RFX7: variants seen among roughly 807,000 people sequenced by gnomAD.
RFX7 encodes the protein regulatory factor X7.
Under a neutral mutation model 111.8 loss-of-function variants are expected in RFX7, and 26 were observed. The observed-to-expected ratio is 0.23, with a 90% CI of 0.17 to 0.32. RFX7 has a LOEUF of 0.32. Ranked by LOEUF, RFX7 falls within the 10% of genes least tolerant of loss-of-function variation. RFX7 has a pLI of 1.00. For missense variants in RFX7, 1,573 were observed against 1,772.9 expected (o/e 0.89, Z 2.02); for synonymous variants, 624 against 624.4 (o/e 1.00, Z 0.01).
intron 5 of RFX7, among the ~76,000 whole-genome samples, chr15:56,109,245 G>A (rs2041875197): frequency 1.3e-5 from 2 of 152,374 alleles, no homozygotes; most frequent in South Asian, 2.1e-4. Flanking sequence ...ACGGGGTTTC[G>A]CTGTGTTGGC....
intron 2 of RFX7, among the ~76,000 whole-genome samples, chr15:56,197,973 T>C (rs2043160861): frequency 6.6e-6 from 1 of 152,150 alleles, no homozygotes; most frequent in South Asian, 2.1e-4. Flanking sequence ...ATAAATATCA[T>C]TTATTAAGTC....
intron 2 of RFX7, among the ~76,000 whole-genome samples, chr15:56,208,984 A>C (rs1409573668): frequency 6.6e-6 from 1 of 152,158 alleles, no homozygotes; most frequent in African/African-American, 2.4e-5. Context: ...TAATACATGA[A>C]ATTTCTGAAA....
intron 3 of RFX7, among the ~76,000 whole-genome samples, chr15:56,150,653 T>C (rs2141046275): frequency 6.6e-6 from 1 of 152,296 alleles, no homozygotes. Context: ...CCAGAACGCC[T>C]TTCCTCCTCC....
At chr15:56,134,818 T>C (rs1005447077) in intron 5 of RFX7, among the ~76,000 whole-genome samples, 41 of 152,104 alleles carry the variant, frequency 2.7e-4, no homozygotes, top group South Asian at 6.2e-4. Flanking sequence ...CCTGTGTCCA[T>C]GTGATCTCAT....
chr15:56,187,535 T>C (rs2043054522), intron 2 of RFX7, among the ~76,000 whole-genome samples: 1 of 149,698 alleles, frequency 6.7e-6, no homozygotes, highest in Non-Finnish European at 1.5e-5. Context: ...CATGTGGCAA[T>C]GGTCACTTAG....
At chr15:56,188,248 G>C (rs1209538010) in intron 2 of RFX7, among the ~76,000 whole-genome samples, 2 of 152,028 alleles carry the variant, frequency 1.3e-5, no homozygotes, top group East Asian at 3.9e-4. Context: ...AAAATCAATA[G>C]GTCTATTGAA....
chr15:56,122,009 T>C (rs929712065), intron 5 of RFX7, among the ~76,000 whole-genome samples: 4 of 152,246 alleles, frequency 2.6e-5, no homozygotes, highest in African/African-American at 9.6e-5. Flanking sequence ...CTCTCCAGGA[T>C]TGGTCCCTGG....
chr15:56,155,315 G>C (rs1302802001), intron 3 of RFX7, among the ~76,000 whole-genome samples: 1 of 152,086 alleles, frequency 6.6e-6, no homozygotes, highest in African/African-American at 2.4e-5. Context: ...ACATGCACAC[G>C]TATGTTTATT....
Position 56,115,229 on chromosome 15 carries a change from C to G in RFX7, c.402-11559G>C, listed in dbSNP as rs1567013733. Reference sequence around the variant, plus strand: ...GATTTGCCATGTTGGCCAGGCTGGTCTCGAACTCCTGACCTCAGGTGATCT... The same window carrying G: ...GATTTGCCATGTTGGCCAGGCTGGTGTCGAACTCCTGACCTCAGGTGATCT... On this transcript the variant is annotated intron_variant, in intron 5 of 9. Transcript: ENST00000559447. Among the ~76,000 whole-genome samples the G allele has an allele frequency of 6.6e-5, 10 of 152,180 alleles. No individual in the cohort carries two copies. In the South Asian group the frequency reaches 2.1e-3, roughly 32 times the overall value.
intron 3 of RFX7, among the ~76,000 whole-genome samples, chr15:56,175,771 A>G (rs2042897030): frequency 6.6e-6 from 1 of 152,196 alleles, no homozygotes; most frequent in Non-Finnish European, 1.5e-5. Flanking sequence ...TAAAACTTCT[A>G]GAAGAAAACC....
At chr15:56,225,757 C>G (rs2043476195) in intron 2 of RFX7, among the ~76,000 whole-genome samples, 1 of 152,110 alleles carries the variant, frequency 6.6e-6, no homozygotes, top group Non-Finnish European at 1.5e-5. Flanking sequence ...TTCTATAAAC[C>G]TGCTTGCTGA....
chr15:56,243,477 G>A lies in RFX7; in HGVS notation c.-35C>T. 1.0e-6 allele frequency: 1 copy of A among 984,944 alleles called. No individual in the cohort carries two copies. Among genetic ancestry groups the A allele is most frequent in the Non-Finnish European group, 1.2e-6 (1 of 829,760 alleles). 61.0% of individuals were successfully genotyped at this position (984,944 alleles called of 1,614,324 possible). A position where few individuals can be genotyped will look rare whatever the true frequency, so the allele number is the denominator to read the frequency against. Reference sequence around the variant, plus strand: ...CTCGAGTGAGTCGCTTTCGCCTGCCGCCTGGGGAACATCACCGGGGAGACC... The same window carrying A: ...CTCGAGTGAGTCGCTTTCGCCTGCCACCTGGGGAACATCACCGGGGAGACC... On this transcript the variant is annotated 5_prime_UTR_variant, in exon 1 of 10. Transcript: ENST00000559447.
rs751088356 is a variant in RFX7, at chr15:56,094,929, G to A, written c.2799C>T (p.His933=). The A allele has an allele frequency of 6.3e-7, 1 of 1,591,758 alleles. No homozygotes were observed. Among genetic ancestry groups the A allele is most frequent in the Non-Finnish European group, 8.6e-7 (1 of 1,168,984 alleles). ...APMSSHTSST[H]FYHPIHSNGT... The stretch of plus-strand genomic sequence containing the variant: ...CATTGCTGTGGATTGGATGATAGAA[G>A]TGGGTGCTGGAAGTGTGAGATGACA... Residue 933 remains histidine (H), a synonymous_variant, in exon 10 of 10, where the codon CAC becomes CAT. Transcript: ENST00000559447.
chr15:56,241,699 A>C (rs1315001509), intron 2 of RFX7, among the ~76,000 whole-genome samples: 1 of 145,014 alleles, frequency 6.9e-6, no homozygotes, highest in Non-Finnish European at 1.5e-5. Flanking sequence ...GTATCCATTG[A>C]AGAATAAAGC....
At chr15:56,145,442 A>G (rs200576432) in intron 3 of RFX7, among the ~76,000 whole-genome samples, 8 of 152,344 alleles carry the variant, frequency 5.3e-5, no homozygotes, top group Admixed American at 3.9e-4. Flanking sequence ...GATATCCACA[A>G]AAGTTTAATC....
rs560702810 is a variant in RFX7 at position 56,232,538 on chromosome 15, G to C, written c.161+10587C>G. Reference sequence around the variant, plus strand: ...CTTGGTGATTAACACTTGTTTCCTCGTTACTTATGCAAATTTCTGCAGCAG... The same window carrying C: ...CTTGGTGATTAACACTTGTTTCCTCCTTACTTATGCAAATTTCTGCAGCAG... On this transcript the variant is annotated intron_variant, in intron 2 of 9. Transcript: ENST00000559447. 2.6e-5 allele frequency among the ~76,000 whole-genome samples: 4 copies of C among 152,228 alleles called. No individual in the cohort carries two copies. The South Asian group carries it at 6.2e-4, about 24-fold the overall frequency.
chr15:56,099,761 T>C (rs1343826864), intron 8 of RFX7, among the ~76,000 whole-genome samples: 3 of 152,334 alleles, frequency 2.0e-5, no homozygotes, highest in South Asian at 2.1e-4. Context: ...AATGATACAA[T>C]TGGTAAAGTA....
chr15:56,152,341 A>G (rs1423352470), intron 3 of RFX7, among the ~76,000 whole-genome samples: 5 of 152,232 alleles, frequency 3.3e-5, no homozygotes, highest in Non-Finnish European at 5.9e-5. Flanking sequence ...AAGGGAAATC[A>G]TAACATATAG....
At chr15:56,193,748 A>G (rs1347793897) in intron 2 of RFX7, among the ~76,000 whole-genome samples, 1 of 152,218 alleles carries the variant, frequency 6.6e-6, no homozygotes, top group African/African-American at 2.4e-5. Flanking sequence ...GCAATAAAGC[A>G]GATAAAAATT....
Sources: allele counts gnomAD v4.1 joint callset (sites outside exome capture counted in the v4.1 genomes callset), GRCh38; gene constraint gnomAD v4.1.1; transcripts MANE v1.5; gene names NCBI Gene and HGNC (gene_info 2026-07-23, HGNC 2026-07-21).